The following MBD5 variants were observed in gnomAD, a reference collection of about 807,000 sequenced individuals.
The protein encoded by MBD5 is methyl-CpG-binding domain protein 5.
A neutral mutation model predicts 117.3 loss-of-function variants in MBD5; 13 were observed. That is an observed-to-expected ratio of 0.11 (90% CI 0.07 to 0.18). The LOEUF is 0.18. Ranked by LOEUF, MBD5 falls within the 10% of genes least tolerant of loss-of-function variation. The pLI is 1.00. For synonymous variants in MBD5, 727 were observed against 766.4 expected (o/e 0.95, Z 0.85); for missense variants, 1,879 against 2,093.8 (o/e 0.90, Z 2.00).
intron 1 of MBD5, among the ~76,000 whole-genome samples, chr2:148,042,471 T>C (rs1047952615): frequency 6.6e-6 from 1 of 152,012 alleles, no homozygotes; most frequent in Admixed American, 6.6e-5. Context: ...TTTTTTTTTT[T>C]AATGGCCTTG....
intron 2 of MBD5, among the ~76,000 whole-genome samples, chr2:148,224,492 G>C (rs893459832): frequency 6.9e-5 from 10 of 144,862 alleles, no homozygotes; most frequent in Admixed American, 2.1e-4. Flanking sequence ...ACGGGTGCAC[G>C]TTGCCACGCC....
At chr2:148,073,671 A>G (rs572413156) in intron 1 of MBD5, among the ~76,000 whole-genome samples, 8 of 152,258 alleles carry the variant, frequency 5.3e-5, no homozygotes, top group Admixed American at 1.3e-4. Context: ...TGACCATGGA[A>G]TGTCTCATTG....
chr2:148,139,698 T>C (rs1697265646), intron 1 of MBD5, among the ~76,000 whole-genome samples: 1 of 152,142 alleles, frequency 6.6e-6, no homozygotes, highest in African/African-American at 2.4e-5. Flanking sequence ...TGTACCTTTC[T>C]TCCCAGGATG....
chr2:148,199,719 C>T (rs1699088306), intron 2 of MBD5, among the ~76,000 whole-genome samples: 1 of 151,602 alleles, frequency 6.6e-6, no homozygotes, highest in Non-Finnish European at 1.5e-5. Flanking sequence ...AAGATTGCGC[C>T]ACTGTACTCC....
intron 3 of MBD5, among the ~76,000 whole-genome samples, chr2:148,313,387 G>A (rs1702081811): frequency 6.6e-6 from 1 of 152,202 alleles, no homozygotes; most frequent in Admixed American, 6.5e-5. Flanking sequence ...TCTGGCTACA[G>A]CGGCTTTGCC....
At chr2:148,510,698 A>G (rs1682189754) in intron 13 of MBD5, among the ~76,000 whole-genome samples, 1 of 152,216 alleles carries the variant, frequency 6.6e-6, no homozygotes, top group South Asian at 2.1e-4. Flanking sequence ...TTTAGCATGA[A>G]AAATAATTTC....
chr2:148,398,877 C>T (rs1704823810), intron 4 of MBD5, among the ~76,000 whole-genome samples: 1 of 152,156 alleles, frequency 6.6e-6, no homozygotes, highest in South Asian at 2.1e-4. Context: ...ATATGGCTAG[C>T]CAGTTTTCCC....
At chr2:148,470,577 C>T in intron 8 of MBD5, 116 bp downstream of exon 8, 3 of 819,680 alleles carry the variant, frequency 3.7e-6, no homozygotes, top group Non-Finnish European at 5.5e-6. Flanking sequence ...TTGTGAAATT[C>T]TCTTCATTTC....
At chr2:148,186,528 A>C (rs1698661989) in intron 2 of MBD5, among the ~76,000 whole-genome samples, 1 of 152,240 alleles carries the variant, frequency 6.6e-6, no homozygotes, top group African/African-American at 2.4e-5. Context: ...TATTACCCAA[A>C]TCAAATTGCC....
At chr2:148,065,852 C>A (rs1695174052) in intron 1 of MBD5, among the ~76,000 whole-genome samples, 1 of 152,206 alleles carries the variant, frequency 6.6e-6, no homozygotes, top group African/African-American at 2.4e-5. Context: ...CAAAACAAAG[C>A]TAAAAAGATG....
chr2:148,376,931 A>G (rs996903255), intron 4 of MBD5, among the ~76,000 whole-genome samples: 12 of 145,254 alleles, frequency 8.3e-5, no homozygotes, highest in Non-Finnish European at 1.5e-4. Context: ...ATAAATAGAG[A>G]GTTAGCAAGT....
intron 3 of MBD5, among the ~76,000 whole-genome samples, chr2:148,323,162 A>G (rs1321589285): frequency 6.6e-6 from 1 of 151,900 alleles, no homozygotes; most frequent in Non-Finnish European, 1.5e-5. Flanking sequence ...ATGTCCCTAC[A>G]AAGGACATGA....
intron 1 of MBD5, among the ~76,000 whole-genome samples, chr2:148,103,524 TTGA>T (rs1450078834): frequency 5.3e-5 from 8 of 152,120 alleles, no homozygotes; most frequent in Non-Finnish European, 8.8e-5. Context: ...ACGCAACCTG[TTGA>T]TGTTGCGATA....
intron 1 of MBD5, among the ~76,000 whole-genome samples, chr2:148,153,741 A>G (rs1277405476): frequency 2.7e-5 from 4 of 146,438 alleles, no homozygotes; most frequent in Non-Finnish European, 4.5e-5. Context: ...TCAGCTCCTG[A>G]GGCTTCTGCA....
At chr2:148,143,867 G>T (rs1452484620) in intron 1 of MBD5, among the ~76,000 whole-genome samples, 1 of 151,992 alleles carries the variant, frequency 6.6e-6, no homozygotes, top group Non-Finnish European at 1.5e-5. Context: ...GGACATTTGG[G>T]TTGGTTCCAA....
chr2:148,135,901 C>T (rs1429463871), intron 1 of MBD5, among the ~76,000 whole-genome samples: 1 of 152,258 alleles, frequency 6.6e-6, no homozygotes, highest in East Asian at 1.9e-4. Flanking sequence ...GCGAAGACCT[C>T]TCGGGGCCCT....
chr2:148,257,609 C>A (rs1700620604), intron 3 of MBD5, among the ~76,000 whole-genome samples: 1 of 152,208 alleles, frequency 6.6e-6, no homozygotes, highest in Admixed American at 6.5e-5. Flanking sequence ...GCCACCACTT[C>A]TAAATCTGCA....
intron 4 of MBD5, among the ~76,000 whole-genome samples, chr2:148,429,357 G>C (rs1323366657): frequency 1.3e-5 from 2 of 152,150 alleles, no homozygotes; most frequent in African/African-American, 2.4e-5. Context: ...ACAGATGCTG[G>C]GGAGGATGTG....
At chr2:148,484,170 G>C in intron 9 of MBD5, 35 bp downstream of exon 9, 1 of 1,404,212 alleles carries the variant, frequency 7.1e-7, no homozygotes, top group Non-Finnish European at 9.3e-7. Context: ...TTTTACAAAA[G>C]AAACGTTTTT....
Sources: allele counts gnomAD v4.1 joint callset (sites outside exome capture counted in the v4.1 genomes callset), GRCh38; gene constraint gnomAD v4.1.1; transcripts MANE v1.5; gene names NCBI Gene and HGNC (gene_info 2026-07-23, HGNC 2026-07-21).